The following PTPRD variants were observed in gnomAD, a reference collection of about 807,000 sequenced individuals.
PTPRD encodes protein tyrosine phosphatase receptor type D, also known as receptor-type tyrosine-protein phosphatase delta.
A neutral mutation model predicts 214.5 loss-of-function variants in PTPRD; 34 were observed. The ratio of observed to expected loss-of-function variants is 0.16; its 90% CI spans 0.12 to 0.21. The LOEUF (loss-of-function observed/expected upper bound fraction) is 0.21. PTPRD is among the 10% of genes least tolerant of loss of function. The probability of loss-of-function intolerance (pLI) is 1.00; values close to 1 mark genes in which losing one functional copy is unlikely to be tolerated. For synonymous variants in PTPRD, 1,128 were observed against 845.7 expected (o/e 1.33, Z -5.79); for missense variants, 2,545 against 2,398.7 (o/e 1.06, Z -1.27).
At chr9:10,256,990 C>T (rs2093333680) in intron 3 of PTPRD, among the ~76,000 whole-genome samples, 1 of 152,142 alleles carries the variant, frequency 6.6e-6, no homozygotes. Flanking sequence ...TATATCAATA[C>T]ATTTCAGGCC....
intron 11 of PTPRD, among the ~76,000 whole-genome samples, chr9:8,933,339 G>GTTTTTTTTTTTTTTTTTTTT (rs1567089304): frequency 1.0e-4 from 7 of 68,804 alleles, no homozygotes; most frequent in African/African-American, 3.0e-4. Context: ...ACAACCTTGA[G>GTTTTTTTTTTTTTTTTTTTT]GTTTTTTTTT....
At chr9:10,449,700 TGAGGAGCCCCTCTGCC>T (rs1311861025) in intron 2 of PTPRD, among the ~76,000 whole-genome samples, 2,405 of 150,570 alleles carry the variant, frequency 0.016, 46 homozygotes, top group African/African-American at 0.05. Context: ...GTCTGAGAAG[TGAGGAGCCCCTCTGCC>T]CGGCAGCCAC....
chr9:8,813,486 T>C (rs2154523539), intron 11 of PTPRD, among the ~76,000 whole-genome samples: 1 of 152,288 alleles, frequency 6.6e-6, no homozygotes, highest in South Asian at 2.1e-4. Flanking sequence ...TCCTCCTGCC[T>C]CAGCCTCCTC....
At chr9:10,480,674 A>G (rs912700583) in intron 2 of PTPRD, among the ~76,000 whole-genome samples, 8 of 152,134 alleles carry the variant, frequency 5.3e-5, no homozygotes, top group Admixed American at 1.3e-4. Flanking sequence ...TACAGATTAC[A>G]GGAATATTTT....
chr9:9,487,857 C>T (rs866409644), intron 8 of PTPRD, among the ~76,000 whole-genome samples: 1 of 152,062 alleles, frequency 6.6e-6, no homozygotes, highest in Non-Finnish European at 1.5e-5. Flanking sequence ...TAATAATTCC[C>T]AGTATTTGAT....
At chr9:10,337,976 T>A (rs10756026) in intron 3 of PTPRD, among the ~76,000 whole-genome samples, 51,283 of 151,260 alleles carry the variant, frequency 0.34, 10,336 homozygotes, top group African/African-American at 0.56. Context: ...AAATTTTTTT[T>A]AAATTTATCT....
At chr9:8,895,179 G>T (rs997930094) in intron 11 of PTPRD, among the ~76,000 whole-genome samples, 1 of 152,022 alleles carries the variant, frequency 6.6e-6, no homozygotes, top group African/African-American at 2.4e-5. Flanking sequence ...TTAAACATGG[G>T]GATTTGAGCT....
chr9:8,960,512 A>G lies in PTPRD; in HGVS notation c.-104+58185T>C, dbSNP rs1250147406. ...TGGGTACCCAGAAATCTGACATCCAAGGTTCAAAGTGCAGTTGGAAGATAG... is the reference window on the plus strand; with the variant it reads ...TGGGTACCCAGAAATCTGACATCCAGGGTTCAAAGTGCAGTTGGAAGATAG... On this transcript the variant is annotated intron_variant, in intron 11 of 45. Coordinates refer to ENST00000381196, the MANE Select transcript of PTPRD (RefSeq NM_002839.4). Among the ~76,000 whole-genome samples, 3 of 152,126 alleles carry G rather than the reference A, an allele frequency of 2.0e-5. No individual in the cohort carries two copies. The South Asian group carries it at 6.2e-4, about 31-fold the overall frequency.
intron 4 of PTPRD, among the ~76,000 whole-genome samples, chr9:10,001,419 A>C (rs1028797977): frequency 3.3e-5 from 5 of 152,282 alleles, no homozygotes; most frequent in African/African-American, 1.2e-4. Context: ...GAAGCTTAAT[A>C]AATTATAAGG....
At chr9:9,857,373 C>G (rs2061750485) in intron 5 of PTPRD, among the ~76,000 whole-genome samples, 1 of 152,154 alleles carries the variant, frequency 6.6e-6, no homozygotes, top group South Asian at 2.1e-4. Flanking sequence ...AACAACAATT[C>G]ATTGGAATGG....
intron 6 of PTPRD, among the ~76,000 whole-genome samples, chr9:9,749,971 T>C (rs149309161): frequency 6.6e-6 from 1 of 152,310 alleles, no homozygotes; most frequent in African/African-American, 2.4e-5. Context: ...GACTGATGTG[T>C]GTGGAACTAC....
chr9:9,423,769 TAGAC>T (rs1169795467), intron 8 of PTPRD, among the ~76,000 whole-genome samples: 1 of 152,178 alleles, frequency 6.6e-6, no homozygotes, highest in Non-Finnish European at 1.5e-5. Context: ...AATTCCATAT[TAGAC>T]AGAATTGAAG....
chr9:9,950,875 A>G (rs948552952), intron 4 of PTPRD, among the ~76,000 whole-genome samples: 19 of 152,206 alleles, frequency 1.2e-4, no homozygotes, highest in Admixed American at 2.0e-4. Flanking sequence ...ATGGTCTCAA[A>G]TAACAGTAGC....
At chr9:9,083,738 C>A (rs1256370386) in intron 10 of PTPRD, among the ~76,000 whole-genome samples, 2 of 151,630 alleles carry the variant, frequency 1.3e-5, no homozygotes, top group Admixed American at 1.3e-4. Context: ...TAAAAGTGGG[C>A]TAAAGATTTG....
intron 8 of PTPRD, among the ~76,000 whole-genome samples, chr9:9,543,618 T>C (rs1458084852): frequency 6.6e-6 from 1 of 151,566 alleles, no homozygotes; most frequent in Admixed American, 6.6e-5. Context: ...TTGCTGAGAA[T>C]TATGCAAATC....
At chr9:9,189,565 T>C (rs2099933843) in intron 9 of PTPRD, among the ~76,000 whole-genome samples, 1 of 152,064 alleles carries the variant, frequency 6.6e-6, no homozygotes, top group East Asian at 1.9e-4. Context: ...TTCTATTATG[T>C]CTTAACACTT....
intron 14 of PTPRD, among the ~76,000 whole-genome samples, chr9:8,610,482 C>G (rs1000047630): frequency 3.3e-5 from 5 of 152,120 alleles, no homozygotes; most frequent in Admixed American, 3.3e-4. Context: ...ACCACATGGT[C>G]TCCTATAGAT....
chr9:9,263,567 G>C (rs561957356), intron 9 of PTPRD, among the ~76,000 whole-genome samples: 1 of 151,566 alleles, frequency 6.6e-6, no homozygotes, highest in Non-Finnish European at 1.5e-5. Context: ...TACTTAGTAT[G>C]GTGCCTGAAT....
At chr9:9,602,958 A>C (rs1471010821) in intron 7 of PTPRD, among the ~76,000 whole-genome samples, 1 of 152,138 alleles carries the variant, frequency 6.6e-6, no homozygotes, top group Non-Finnish European at 1.5e-5. Context: ...AAGATAAGCA[A>C]ATTGGCTGCT....
Sources: allele counts gnomAD v4.1 joint callset (sites outside exome capture counted in the v4.1 genomes callset), GRCh38; gene constraint gnomAD v4.1.1; transcripts MANE v1.5; gene names NCBI Gene and HGNC (gene_info 2026-07-23, HGNC 2026-07-21).